Variants in CUX2 observed in about 807,000 individuals in gnomAD.
The protein encoded by CUX2 is homeobox protein cut-like 2.
In CUX2, 40 loss-of-function variants were observed where a neutral mutation model predicts 144.8. That is an observed-to-expected ratio of 0.28 (90% CI 0.21 to 0.36). The LOEUF is 0.36. CUX2 is among the 10% of genes least tolerant of loss of function. CUX2 has a pLI of 1.00. For missense variants in CUX2, 1,615 were observed against 1,994.0 expected, an observed-to-expected ratio of 0.81 and a Z score of 3.62; for synonymous variants, 827 against 875.6, an observed-to-expected ratio of 0.94 and a Z score of 0.98.
intron 4 of CUX2, among the ~76,000 whole-genome samples, chr12:111,290,347 G>A (rs1200770333): frequency 2.6e-5 from 4 of 152,034 alleles, no homozygotes; most frequent in African/African-American, 9.7e-5. Context: ...CTGCAGCCTC[G>A]ACCTCCCAGG....
chr12:111,154,042 CT>C (rs1877227284), intron 1 of CUX2, among the ~76,000 whole-genome samples: 2 of 152,232 alleles, frequency 1.3e-5, no homozygotes, highest in South Asian at 4.2e-4. Context: ...ATGAGCTCAT[CT>C]TAGCTTTTTT....
intron 4 of CUX2, among the ~76,000 whole-genome samples, chr12:111,279,946 C>T (rs1885042197): frequency 1.3e-5 from 2 of 150,218 alleles, no homozygotes; most frequent in South Asian, 4.3e-4. Context: ...TGCGCCACTG[C>T]ACTCCAGCCT....
intron 3 of CUX2, among the ~76,000 whole-genome samples, chr12:111,220,743 CAAAAAAAAAAAAAAAAAA>C (rs549438290): frequency 3.6e-4 from 14 of 39,106 alleles, no homozygotes; most frequent in East Asian, 3.0e-3. Flanking sequence ...CTCATCTCTG[CAAAAAAAAAAAAAAAAAA>C]AAAAAAAAAA....
intron 1 of CUX2, among the ~76,000 whole-genome samples, chr12:111,134,620 C>CTCTCTCTCTGTGTGTGTGTGTGTGTG (rs1026548098): frequency 7.0e-6 from 1 of 142,128 alleles, no homozygotes; most frequent in African/African-American, 2.8e-5. Flanking sequence ...CTCTCTCTCT[C>CTCTCTCTCTGTGTGTGTGTGTGTGTG]TGTGTGTGTG....
At position 111,232,556 on chromosome 12, in the gene CUX2, AT is replaced by A. The variant is rs570787767; in HGVS notation, c.222+14620del. Among the ~76,000 whole-genome samples the A allele has an allele frequency of 2.8e-4, 42 of 152,322 alleles. No individual in the cohort carries two copies. The East Asian group carries it at 6.6e-3, about 24-fold the overall frequency. ...ATACAGGAGGATGTGCGTAGATTAT[AT>A]GCAAACAATACACCATTTTGTATAA... On this transcript the variant is annotated intron_variant, in intron 3 of 21. Coordinates refer to ENST00000261726, the MANE Select transcript of CUX2 (RefSeq NM_015267.4).
At chr12:111,074,898 C>T (rs1055593605) in intron 1 of CUX2, among the ~76,000 whole-genome samples, 12 of 152,138 alleles carry the variant, frequency 7.9e-5, no homozygotes, top group Non-Finnish European at 1.5e-4. Flanking sequence ...CCTCTCGAGA[C>T]CCCACCATCT....
chr12:111,306,160 C>G (rs1196439699), intron 10 of CUX2, among the ~76,000 whole-genome samples: 1 of 152,162 alleles, frequency 6.6e-6, no homozygotes, highest in African/African-American at 2.4e-5. Flanking sequence ...CTGTGCTAAT[C>G]AGCCCCAGGG....
chr12:111,202,525 C>T (rs1019337080), intron 1 of CUX2, among the ~76,000 whole-genome samples: 6 of 152,114 alleles, frequency 3.9e-5, no homozygotes, highest in African/African-American at 7.2e-5. Context: ...ATGGGGGTGA[C>T]GGGTGGGATT....
At chr12:111,264,427 C>T (rs1884278768) in intron 4 of CUX2, among the ~76,000 whole-genome samples, 2 of 152,190 alleles carry the variant, frequency 1.3e-5, no homozygotes. Flanking sequence ...GGGAGTATTA[C>T]TCCCTTTCCA....
chr12:111,326,643 C>A (rs192669604), intron 18 of CUX2, among the ~76,000 whole-genome samples: 2 of 151,968 alleles, frequency 1.3e-5, no homozygotes, highest in African/African-American at 2.4e-5. Flanking sequence ...GTGGCTCACA[C>A]CTGTAATCCC....
rs189649568 is a variant in CUX2 at position 111,046,276 on chromosome 12, G to T, written c.63+12036G>T. 5.2e-3 allele frequency among the ~76,000 whole-genome samples: 788 copies of T among 152,380 alleles called. 2 individuals are homozygous for T. Among genetic ancestry groups the T allele is most frequent in the Middle Eastern group, 0.017 (5 of 294 alleles). On this transcript the variant is annotated intron_variant, in intron 1 of 21. Coordinates refer to ENST00000261726, the MANE Select transcript of CUX2 (RefSeq NM_015267.4). ...GGCTTTGTGGTTCAGAAGACAGCTT[G>T]CGGAGAGACCAGTGCAGGCCTGGGA...
intron 1 of CUX2, among the ~76,000 whole-genome samples, chr12:111,184,380 C>T (rs181239574): frequency 2.6e-5 from 4 of 152,042 alleles, no homozygotes; most frequent in Admixed American, 2.6e-4. Context: ...TTGGAAGTAA[C>T]CTGAGTGTCC....
At chr12:111,101,976 C>G (rs1165154622) in intron 1 of CUX2, among the ~76,000 whole-genome samples, 1 of 152,222 alleles carries the variant, frequency 6.6e-6, no homozygotes, top group African/African-American at 2.4e-5. Context: ...TACTATAGAG[C>G]AGGAGCTATT....
Position 111,171,496 on chromosome 12 carries a change from TG to T in CUX2, c.64-42703del. Among the ~76,000 whole-genome samples, 1 of 152,276 alleles carries T rather than the reference TG, an allele frequency of 6.6e-6. No homozygotes were observed. The highest frequency in any genetic ancestry group is 1.9e-4 in the East Asian group (1 of 5,174). The stretch of plus-strand genomic sequence containing the variant: ...GCAGCCCGGAGACATCTTGCTTCCT[TG>T]TTTCCATGGCTTGTGGGGAAACCCC... On this transcript the variant is annotated intron_variant, in intron 1 of 21. Transcript: ENST00000261726. The surrounding 1 kb of genome is among the most constrained non-coding windows in gnomAD (Gnocchi z 5.0).
chr12:111,096,314 G>A lies in CUX2; in HGVS notation c.63+62074G>A, dbSNP rs1872813397. On this transcript the variant is annotated intron_variant, in intron 1 of 21. Coordinates refer to ENST00000261726, the MANE Select transcript of CUX2 (RefSeq NM_015267.4). The stretch of plus-strand genomic sequence containing the variant: ...CTGCCTGGGCTGAGGTTCTTTGTCT[G>A]CCCCGGGCTGTTCTATCCCCTACCC... Among the ~76,000 whole-genome samples the A allele has an allele frequency of 2.6e-5, 4 of 152,200 alleles. No homozygotes were observed. The South Asian group carries it at 8.3e-4, about 32-fold the overall frequency.
Position 111,293,457 on chromosome 12 carries a change from G to A in CUX2, c.448G>A (p.Gly150Arg). Residue 150 changes from glycine to arginine, a missense_variant, in exon 6 of 22, where the codon GGG becomes AGG. Gly to Arg is a moderately radical substitution (Grantham distance 125). This residue lies in a region of CUX2 where 295 missense variants were observed against 400.2 expected (regional missense o/e 0.74). Transcript: ENST00000261726. The surrounding 1 kb of genome is among the most constrained non-coding windows in gnomAD (Gnocchi z 4.5). Reference protein sequence around the residue: ...ELLSPKEQREGTSPAGPTLTE... With the variant: ...ELLSPKEQRERTSPAGPTLTE... ...TTTTCTCCCTGCAGAGCAGAGAGAG[G>A]GGACGTCGCCTGCCGGGCCCACGCT... is the stretch of plus-strand genomic sequence containing the variant. 1 of 1,608,332 alleles carries A rather than the reference G, an allele frequency of 6.2e-7. No individual in the cohort carries two copies. The highest frequency in any genetic ancestry group is 1.1e-5 in the South Asian group (1 of 89,610).
intron 4 of CUX2, among the ~76,000 whole-genome samples, chr12:111,274,304 GT>G (rs1884760318): frequency 6.6e-6 from 1 of 152,150 alleles, no homozygotes; most frequent in African/African-American, 2.4e-5. Context: ...GTGGCCTTGA[GT>G]AACTGGCTCA....
Position 111,306,965 on chromosome 12 carries a change from C to T in CUX2, c.903C>T (p.Ala301=), listed in dbSNP as rs531467959. The T allele has an allele frequency of 6.5e-5, 105 of 1,613,198 alleles. 1 individual carries two copies. The South Asian group carries it at 8.7e-4, about 13-fold the overall frequency. The change falls in exon 11 of 22, where the codon GCC becomes GCT. Residue 301 remains alanine (A), a synonymous_variant. Coordinates refer to ENST00000261726, the MANE Select transcript of CUX2 (RefSeq NM_015267.4). ...TGTGCTCGGGCCCTCGGCTGGAGGCCGCGCTGGCCTCCAAGGACAGGGAGA... is the reference window on the plus strand; with the variant it reads ...TGTGCTCGGGCCCTCGGCTGGAGGCTGCGCTGGCCTCCAAGGACAGGGAGA... The part of the protein sequence containing the change: ...FTLCSGPRLE[A]ALASKDREIL...
At chr12:111,134,490 C>A (rs570660250) in intron 1 of CUX2, among the ~76,000 whole-genome samples, 1 of 152,248 alleles carries the variant, frequency 6.6e-6, no homozygotes, top group East Asian at 1.9e-4. Flanking sequence ...AATCCCAAAA[C>A]CATGTCTGAA....
Sources: gnomAD v4.1 joint callset for allele counts (sites outside exome capture counted in the v4.1 genomes callset) on GRCh38, gnomAD v4.1.1 for gene constraint, gnomAD v4.1.1 regional missense constraint, Gnocchi (gnomAD v3.1) non-coding constraint, MANE v1.5 for transcripts, NCBI Gene and HGNC (gene_info 2026-07-23, HGNC 2026-07-21) for gene names.